RIMS2: variants seen among roughly 807,000 people sequenced by gnomAD.
RIMS2 encodes the protein regulating synaptic membrane exocytosis protein 2.
Under a neutral mutation model 174.4 loss-of-function variants are expected in RIMS2, and 59 were observed. The ratio of observed to expected loss-of-function variants is 0.34; its 90% CI spans 0.27 to 0.42. RIMS2 has a LOEUF of 0.42. Among genes scored for constraint, RIMS2 ranks in the 10% least tolerant of loss-of-function variants. The pLI, the probability that RIMS2 is intolerant of heterozygous loss-of-function variation, is 1.00. For synonymous variants in RIMS2, 606 were observed against 572.5 expected, an observed-to-expected ratio of 1.06 and a Z score of -0.84; for missense variants, 1,620 against 1,666.3, an observed-to-expected ratio of 0.97 and a Z score of 0.48.
At chr8:103,732,972 T>G (rs1032944898) in intron 2 of RIMS2, among the ~76,000 whole-genome samples, 2 of 152,090 alleles carry the variant, frequency 1.3e-5, no homozygotes, top group Non-Finnish European at 2.9e-5. Context: ...TCCTTTTTAC[T>G]CTTCCCTTTT....
At chr8:104,065,099 A>G (rs1417874598) in intron 19 of RIMS2, among the ~76,000 whole-genome samples, 1 of 152,056 alleles carries the variant, frequency 6.6e-6, no homozygotes, top group African/African-American at 2.4e-5. Flanking sequence ...ATATAAACAG[A>G]TGGAGAAAAA....
At chr8:104,020,567 T>G (rs1299835026) in intron 19 of RIMS2, among the ~76,000 whole-genome samples, 2 of 152,026 alleles carry the variant, frequency 1.3e-5, no homozygotes, top group Non-Finnish European at 2.9e-5. Flanking sequence ...GTAATGGCAT[T>G]AAAATTGGAA....
Position 103,672,450 on chromosome 8 carries a change from G to A in RIMS2, c.177-24636G>A, listed in dbSNP as rs965883606. On this transcript the variant is annotated intron_variant, in intron 1 of 23. Coordinates refer to ENST00000504942, the Ensembl canonical transcript of RIMS2. ...CAGGCTTTAAAGTAAACATGGTGCC[G>A]GCATCTGCTTGGGCTTTTAGGGAGG... is the stretch of plus-strand genomic sequence containing the variant. Among the ~76,000 whole-genome samples, 161 of 151,728 alleles carry A rather than the reference G, an allele frequency of 1.1e-3. 4 individuals are homozygous for A. Among genetic ancestry groups the A allele is most frequent in the Admixed American group, 0.011 (160 of 15,226 alleles).
chr8:103,957,967 G>T (rs2088120000), intron 14 of RIMS2, among the ~76,000 whole-genome samples: 1 of 152,132 alleles, frequency 6.6e-6, no homozygotes, highest in African/African-American at 2.4e-5. Context: ...GTGTAAATTA[G>T]TTCAACTGTT....
intron 4 of RIMS2, among the ~76,000 whole-genome samples, chr8:103,905,750 CT>C (rs2074250535): frequency 6.9e-6 from 1 of 145,382 alleles, no homozygotes; most frequent in African/African-American, 2.5e-5. Flanking sequence ...TTCTTAGGCC[CT>C]TGAGGCTCCG....
At chr8:103,979,064 A>C (rs1458183693) in intron 16 of RIMS2, among the ~76,000 whole-genome samples, 1 of 152,220 alleles carries the variant, frequency 6.6e-6, no homozygotes, top group African/African-American at 2.4e-5. Flanking sequence ...AATTTTAAAA[A>C]GATAGTTTTT....
intron 19 of RIMS2, among the ~76,000 whole-genome samples, chr8:104,122,833 A>C (rs552149578): frequency 1.3e-5 from 2 of 152,256 alleles, no homozygotes; most frequent in Non-Finnish European, 2.9e-5. Flanking sequence ...TTAACTCTTC[A>C]AATGTTTACA....
rs80068189 is a variant in RIMS2 at position 104,101,306 on chromosome 8, T to C, written c.3334+86691T>C. 1.0e-3 allele frequency among the ~76,000 whole-genome samples: 158 copies of C among 151,846 alleles called. 1 individual carries two copies. In the East Asian group the frequency reaches 0.021, roughly 20 times the overall value. On this transcript the variant is annotated intron_variant, in intron 19 of 23. Transcript: ENST00000504942. ...CATGCCCAGCCAATTTTTATATTTT[T>C]AGTAGAGACAGCATTTTGCCATGTT...
At chr8:104,087,027 T>C (rs1472089495) in intron 19 of RIMS2, among the ~76,000 whole-genome samples, 1 of 152,114 alleles carries the variant, frequency 6.6e-6, no homozygotes, top group African/African-American at 2.4e-5. Flanking sequence ...TTGGAATTTT[T>C]TTTCCTCAGA....
chr8:103,927,786 C>T lies in RIMS2; in HGVS notation c.2197-56C>T, dbSNP rs2079061809. On this transcript the variant is annotated intron_variant, in intron 10 of 23. Coordinates refer to ENST00000504942, the Ensembl canonical transcript of RIMS2. ...TTTACTTTTGGTCTTTTAGTTCCAG[C>T]GTGTTGTCCTTTTTGGTTTTGTTTT... is the stretch of plus-strand genomic sequence containing the variant. The T allele has an allele frequency of 3.4e-6, 4 of 1,167,012 alleles. No homozygotes were observed. In the African/African-American group the frequency reaches 4.5e-5, roughly 13 times the overall value. The allele number at this position is 1,167,012 out of a possible 1,614,324, so 72.3% of individuals were successfully genotyped here. A position where few individuals can be genotyped will look rare whatever the true frequency, so the allele number is the denominator to read the frequency against.
chr8:103,915,498 G>A, exon 7 of RIMS2: 2 of 1,584,772 alleles, frequency 1.3e-6, no homozygotes, highest in Non-Finnish European at 1.7e-6. Flanking sequence ...TAAACAGGTT[G>A]TAGGAGGAAA....
intron 2 of RIMS2, among the ~76,000 whole-genome samples, chr8:103,701,609 T>G (rs1272153633): frequency 2.6e-5 from 4 of 152,050 alleles, no homozygotes; most frequent in African/African-American, 9.7e-5. Flanking sequence ...CTCCAGTAAT[T>G]ACCATTCTAT....
intron 19 of RIMS2, among the ~76,000 whole-genome samples, chr8:104,220,249 G>A (rs147692001): frequency 1.7e-4 from 26 of 151,260 alleles, no homozygotes; most frequent in Middle Eastern, 3.4e-3. Flanking sequence ...CCATTCTTCC[G>A]TCACTCATCT....
intron 19 of RIMS2, among the ~76,000 whole-genome samples, chr8:104,139,942 AC>A (rs766636574): frequency 1.3e-5 from 2 of 152,084 alleles, no homozygotes; most frequent in Non-Finnish European, 2.9e-5. Flanking sequence ...TTCCTTCTAT[AC>A]CCAGTTTTTT....
At chr8:103,895,658 T>A (rs1489052809) in intron 4 of RIMS2, among the ~76,000 whole-genome samples, 1 of 151,596 alleles carries the variant, frequency 6.6e-6, no homozygotes, top group Non-Finnish European at 1.5e-5. Flanking sequence ...TTATGAGTAA[T>A]GTTTCCCTAT....
intron 19 of RIMS2, among the ~76,000 whole-genome samples, chr8:104,055,859 C>A (rs1373662275): frequency 2.0e-5 from 3 of 152,114 alleles, no homozygotes; most frequent in Non-Finnish European, 2.9e-5. Flanking sequence ...TCCTGTCTGT[C>A]TCTCCTAGGC....
At chr8:104,209,742 AT>A (rs1202604861) in intron 19 of RIMS2, among the ~76,000 whole-genome samples, 2 of 152,222 alleles carry the variant, frequency 1.3e-5, no homozygotes, top group Admixed American at 1.3e-4. Context: ...CTGATAGACT[AT>A]CTTGCAGAAG....
intron 19 of RIMS2, among the ~76,000 whole-genome samples, chr8:104,082,935 G>A (rs1487898785): frequency 1.3e-5 from 2 of 152,058 alleles, no homozygotes; most frequent in African/African-American, 4.8e-5. Flanking sequence ...AGATGCATTT[G>A]AAAAGAACAT....
At chr8:103,521,980 G>A (rs1166938675) in intron 1 of RIMS2, among the ~76,000 whole-genome samples, 10 of 151,838 alleles carry the variant, frequency 6.6e-5, no homozygotes, top group Non-Finnish European at 1.3e-4. Context: ...GTAATATCAG[G>A]CTAGTAATGT....
Sources: allele counts gnomAD v4.1 joint callset (sites outside exome capture counted in the v4.1 genomes callset), GRCh38; gene constraint gnomAD v4.1.1; transcripts MANE v1.5; gene names NCBI Gene and HGNC (gene_info 2026-07-23, HGNC 2026-07-21).